The following CLK4 variants were observed in gnomAD, a reference collection of about 807,000 sequenced individuals.
The protein encoded by CLK4 is dual specificity protein kinase CLK4.
CLK4 carries 37 observed loss-of-function variants against 64.4 expected under a neutral mutation model. That is an observed-to-expected ratio of 0.57 (90% CI 0.44 to 0.76). The LOEUF (loss-of-function observed/expected upper bound fraction) is 0.76, where lower values mean the gene tolerates loss of function less well. Ranked by LOEUF, CLK4 falls within the 30% of genes least tolerant of loss-of-function variation. The probability of loss-of-function intolerance (pLI) is 0.00; values close to 1 mark genes in which losing one functional copy is unlikely to be tolerated. For synonymous variants in CLK4, 175 were observed against 191.6 expected, an observed-to-expected ratio of 0.91 and a Z score of 0.72; for missense variants, 457 against 605.1, an observed-to-expected ratio of 0.76 and a Z score of 2.57.
At chr5:178,605,737 T>TC (rs1434812130) in intron 10 of CLK4, 1 of 159,714 alleles carries the variant, frequency 6.3e-6, no homozygotes, top group Non-Finnish European at 1.4e-5. Context: ...TGAGGAAAGT[T>TC]AAGCTATCAA....
At chr5:178,607,859 A>AT (rs1764490458) in intron 10 of CLK4, among the ~76,000 whole-genome samples, 1 of 152,066 alleles carries the variant, frequency 6.6e-6, no homozygotes, top group South Asian at 2.1e-4. Flanking sequence ...ATGCTACACT[A>AT]TACTGCGATA....
At chr5:178,607,002 A>G (rs1221165729) in intron 10 of CLK4, among the ~76,000 whole-genome samples, 1 of 152,038 alleles carries the variant, frequency 6.6e-6, no homozygotes, top group Non-Finnish European at 1.5e-5. Flanking sequence ...TGTAAGTACA[A>G]CTTAAGGACA....
intron 10 of CLK4, among the ~76,000 whole-genome samples, chr5:178,607,008 G>C (rs888101174): frequency 6.6e-6 from 1 of 151,436 alleles, no homozygotes; most frequent in South Asian, 2.1e-4. Flanking sequence ...TACAACTTAA[G>C]GACAGAGTGG....
At chr5:178,614,999 AT>A (rs35038659) in intron 5 of CLK4, among the ~76,000 whole-genome samples, 6 of 152,270 alleles carry the variant, frequency 3.9e-5, no homozygotes, top group South Asian at 2.1e-4. Context: ...ATATGTACTC[AT>A]TTTTTTAGAG....
intron 11 of CLK4, 78 bp downstream of exon 11, chr5:178,605,225 C>A (rs1187133003): frequency 3.9e-6 from 3 of 778,668 alleles, no homozygotes; most frequent in South Asian, 2.5e-5. Flanking sequence ...ATCAGTATTA[C>A]AACAACGTTG....
At chr5:178,626,226 C>A (rs1421045986) in intron 1 of CLK4, among the ~76,000 whole-genome samples, 1 of 152,210 alleles carries the variant, frequency 6.6e-6, no homozygotes, top group Non-Finnish European at 1.5e-5. Context: ...GACAAAGTGG[C>A]TGGCGAGTTC....
chr5:178,612,880 A>G lies in CLK4; in HGVS notation c.837T>C (p.His279=), dbSNP rs889131793. The part of the protein sequence containing the change: ...QICQSINFLH[H]NKLTHTDLKP... Reference sequence around the variant, plus strand: ...TCAGATCTGTATGGGTTAATTTATTATGATGTAAAACTACAAGAGAACAAA... The same window carrying G: ...TCAGATCTGTATGGGTTAATTTATTGTGATGTAAAACTACAAGAGAACAAA... The change falls in exon 8 of 13, where the codon CAT becomes CAC. Residue 279 remains histidine (H), a synonymous_variant. Transcript: ENST00000316308. The G allele has an allele frequency of 2.6e-6, 4 of 1,523,456 alleles. No individual in the cohort carries two copies. The highest frequency in any genetic ancestry group is 3.6e-6 in the Non-Finnish European group (4 of 1,104,866). The allele number at this position is 1,523,456 out of a possible 1,614,324, so 94.4% of individuals were successfully genotyped here.
rs2113796606 is a variant in CLK4 at position 178,602,869 on chromosome 5, A to C, written c.*748T>G. On this transcript the variant is annotated 3_prime_UTR_variant, in exon 13 of 13. Transcript: ENST00000316308. ...ATGCTGGCCAATGTTAAGACTCCTA[A>C]GGACTTGGTATTAAAAACTGAAACC... 6.6e-6 allele frequency: 1 copy of C among 152,330 alleles called. No homozygotes were observed. The highest frequency in any genetic ancestry group is 1.9e-4 in the East Asian group (1 of 5,186). 9.4% of individuals were successfully genotyped at this position (152,330 alleles called of 1,614,324 possible).
rs70997615 is a variant in CLK4 at position 178,607,507 on chromosome 5, C to CTTTTTTTTTTTT, written c.1134+857_1134+868dup. Among the ~76,000 whole-genome samples, 3 of 78,078 alleles carry CTTTTTTTTTTTT rather than the reference C, an allele frequency of 3.8e-5. 1 individual carries two copies. The highest frequency in any genetic ancestry group is 6.8e-5 in the Non-Finnish European group (3 of 43,900). The allele number at this position is 78,078 out of a possible 152,430, so 51.2% of individuals were successfully genotyped here. On this transcript the variant is annotated intron_variant, in intron 10 of 12. Coordinates refer to ENST00000316308, the MANE Select transcript of CLK4 (RefSeq NM_020666.3). The stretch of plus-strand genomic sequence containing the variant: ...TGGGTTCTCCCTACCTACACTTTGT[C>CTTTTTTTTTTTT]TTTTTTTTTTTTTTTTTTTTTTGCA...
At chr5:178,623,458 G>A in intron 1 of CLK4, 42 bp from the exon 2 acceptor site, 1 of 1,488,974 alleles carries the variant, frequency 6.7e-7, no homozygotes, top group Non-Finnish European at 9.0e-7. Flanking sequence ...GGTTACAGAT[G>A]TGTGATAGGT....
chr5:178,618,556 C>T lies in CLK4; in HGVS notation c.384G>A (p.Ser128=), dbSNP rs866524401. Reference sequence around the variant, plus strand: ...AAATTGAAAACAAAACCAATCATACCGAACGTGACTGATGACTTGAACAGT... The same window carrying T: ...AAATTGAAAACAAAACCAATCATACTGAACGTGACTGATGACTTGAACAGT... The part of the protein sequence containing the change: ...NRHCSSHQSR[S]KSHRRKRSRS... The change falls in exon 3 of 13, where the codon TCG becomes TCA. Residue 128 remains serine (S), a splice_region_variant and synonymous_variant. Coordinates refer to ENST00000316308, the MANE Select transcript of CLK4 (RefSeq NM_020666.3). The T allele has an allele frequency of 3.0e-5, 49 of 1,607,016 alleles. No homozygotes were observed. Among genetic ancestry groups the T allele is most frequent in the Non-Finnish European group, 4.1e-5 (48 of 1,175,516 alleles).
At chr5:178,613,694 A>T in intron 6 of CLK4, 33 bp downstream of exon 6, 1 of 1,606,958 alleles carries the variant, frequency 6.2e-7, no homozygotes, top group Non-Finnish European at 8.5e-7. Context: ...ATTTCATGTA[A>T]TATGATGGCT....
In CLK4 at chr5:178,613,706, C is replaced by T. The variant is rs371495255; in HGVS notation, c.659+21G>A. On this transcript the variant is annotated intron_variant, in intron 6 of 12. Transcript: ENST00000316308. ...AATATTTCATGTAATATGATGGCTC[C>T]TAGGTGAAAGTTATACTTACAAGAC... The T allele has an allele frequency of 3.6e-5, 58 of 1,607,650 alleles. No individual in the cohort carries two copies. In the African/African-American group the frequency reaches 7.4e-4, roughly 20 times the overall value.
intron 10 of CLK4, among the ~76,000 whole-genome samples, chr5:178,606,956 T>A (rs1764475501): frequency 1.4e-5 from 2 of 147,826 alleles, no homozygotes; most frequent in Non-Finnish European, 3.0e-5. Flanking sequence ...TGAGACTCCA[T>A]CTCAGGGAAA....
At chr5:178,606,397 T>G (rs890314312) in intron 10 of CLK4, among the ~76,000 whole-genome samples, 1 of 152,146 alleles carries the variant, frequency 6.6e-6, no homozygotes, top group African/African-American at 2.4e-5. Context: ...CTCAGAGTAC[T>G]TTTCAACAGG....
At chr5:178,612,620 G>A in intron 8 of CLK4, 75 bp from the exon 9 acceptor site, 3 of 1,449,730 alleles carry the variant, frequency 2.1e-6, no homozygotes, top group Non-Finnish European at 2.9e-6. Context: ...GCCAGCACAT[G>A]AATTATCTTC....
intron 7 of CLK4, 84 bp downstream of exon 7, chr5:178,613,389 A>G: frequency 9.8e-7 from 1 of 1,019,072 alleles, no homozygotes; most frequent in Non-Finnish European, 1.3e-6. Context: ...ACTGCACTCC[A>G]GCCTGGGTGA....
In CLK4 at chr5:178,605,279, A is replaced by G. The variant is rs374064650; in HGVS notation, c.1214+24T>C. ...TATATGCTATTGCACATATCCAACA[A>G]AAGTCTTGAATCTTAAAACATACCT... On this transcript the variant is annotated intron_variant, in intron 11 of 12. Transcript: ENST00000316308. 1.1e-4 allele frequency: 165 copies of G among 1,474,652 alleles called. 1 individual carries two copies. Among genetic ancestry groups the G allele is most frequent in the Middle Eastern group, 1.8e-4 (1 of 5,626 alleles). The allele number at this position is 1,474,652 out of a possible 1,614,324, so 91.3% of individuals were successfully genotyped here.
chr5:178,616,528 G>T lies in CLK4; in HGVS notation c.542+354C>A, dbSNP rs1411276538. The stretch of plus-strand genomic sequence containing the variant: ...TATTCCATCTTGGCCGGGCACAGGG[G>T]CTCAGGCTTGTAATCCCAACGTTTT... On this transcript the variant is annotated intron_variant, in intron 5 of 12. Coordinates refer to ENST00000316308, the MANE Select transcript of CLK4 (RefSeq NM_020666.3). Among the ~76,000 whole-genome samples the T allele has an allele frequency of 4.6e-5, 7 of 152,186 alleles. 1 individual carries two copies. Among genetic ancestry groups the T allele is most frequent in the Admixed American group, 3.3e-4 (5 of 15,280 alleles).
Sources: gnomAD v4.1 joint callset for allele counts (sites outside exome capture counted in the v4.1 genomes callset) on GRCh38, gnomAD v4.1.1 for gene constraint, MANE v1.5 for transcripts, NCBI Gene and HGNC (gene_info 2026-07-23, HGNC 2026-07-21) for gene names.